The following NEK1 variants were observed in gnomAD, a reference collection of about 807,000 sequenced individuals.
NEK1 encodes NIMA related kinase 1.
A neutral mutation model predicts 182.1 loss-of-function variants in NEK1; 137 were observed. That is an observed-to-expected ratio of 0.75 (90% confidence interval 0.65 to 0.87). The LOEUF (loss-of-function observed/expected upper bound fraction) is 0.87, where lower values mean the gene tolerates loss of function less well. NEK1 is among the 40% of genes least tolerant of loss of function. The pLI is 0.00. For synonymous variants in NEK1, 513 were observed against 492.2 expected, an observed-to-expected ratio of 1.04 and a Z score of -0.56; for missense variants, 1,391 against 1,494.4, an observed-to-expected ratio of 0.93 and a Z score of 1.14.
At position 169,564,174 on chromosome 4, in the gene NEK1, T is replaced by G. The variant is rs1763344869; in HGVS notation, c.1021-1978A>C. 3.3e-5 allele frequency among the ~76,000 whole-genome samples: 5 copies of G among 152,108 alleles called. 1 individual carries two copies. In the South Asian group the frequency reaches 1.0e-3, roughly 32 times the overall value. ...TAAAAATTTATAGAAAAGTTTAAGT[T>G]ATTCTATCATGTACCAGTGTTTACA... On this transcript the variant is annotated intron_variant, in intron 12 of 35. Coordinates refer to ENST00000507142, the MANE Select transcript of NEK1 (RefSeq NM_001199397.3).
chr4:169,458,758 G>A (rs1011803076), intron 27 of NEK1, among the ~76,000 whole-genome samples: 1 of 151,190 alleles, frequency 6.6e-6, no homozygotes, highest in African/African-American at 2.4e-5. Flanking sequence ...GGCCCAGGGA[G>A]GTTGAGGCTG....
At chr4:169,456,642 CTGTT>C (rs1163849974) in intron 27 of NEK1, among the ~76,000 whole-genome samples, 7 of 152,190 alleles carry the variant, frequency 4.6e-5, no homozygotes, top group Non-Finnish European at 5.9e-5. Context: ...ACATATATAA[CTGTT>C]TGGAGGTTCC....
intron 5 of NEK1, 67 bp from the exon 6 acceptor site, chr4:169,590,876 G>T: frequency 9.7e-7 from 1 of 1,035,894 alleles, no homozygotes; most frequent in Non-Finnish European, 1.4e-6. Flanking sequence ...AATATTTAGG[G>T]ATGAGAGGAA....
rs1341557937 is a variant in NEK1, at chr4:169,603,905, CAT to C, written c.-48-1229_-48-1228del. Among the ~76,000 whole-genome samples the C allele has an allele frequency of 2.6e-5, 4 of 152,006 alleles. No individual in the cohort carries two copies. The East Asian group carries it at 7.7e-4, about 29-fold the overall frequency. On this transcript the variant is annotated intron_variant, in intron 2 of 35. Transcript: ENST00000507142. ...ATTTTTAGTAGAGACGGGGTTTCGC[CAT>C]GTTGGCTGGTCTTGAACTCCTGACC...
intron 6 of NEK1, 50 bp downstream of exon 6, chr4:169,590,676 G>A (rs1768317914): frequency 2.2e-6 from 3 of 1,372,758 alleles, no homozygotes; most frequent in Non-Finnish European, 2.0e-6. Context: ...AAACAATGAA[G>A]GTTCCATGTC....
intron 16 of NEK1, 117 bp downstream of exon 16, chr4:169,561,363 T>C: frequency 1.2e-6 from 1 of 838,954 alleles, no homozygotes; most frequent in Non-Finnish European, 2.0e-6. Context: ...GAATTCTAGG[T>C]AAAAATTAAT....
chr4:169,483,774 G>A (rs1190484390), intron 23 of NEK1, among the ~76,000 whole-genome samples: 1 of 149,578 alleles, frequency 6.7e-6, no homozygotes, highest in Non-Finnish European at 1.5e-5. Context: ...GCTGAGGCAG[G>A]AGAATCACTT....
At chr4:169,588,187 C>T (rs1177079801) in intron 8 of NEK1, among the ~76,000 whole-genome samples, 1 of 152,070 alleles carries the variant, frequency 6.6e-6, no homozygotes, top group Admixed American at 6.5e-5. Flanking sequence ...CTGATTCCAC[C>T]ACTTATTAGA....
At chr4:169,567,405 A>AAT (rs1554069542) in intron 12 of NEK1, among the ~76,000 whole-genome samples, 5,179 of 146,804 alleles carry the variant, frequency 0.035, 320 homozygotes, top group African/African-American at 0.12. Context: ...GAAAAAAAAA[A>AAT]TTTTTTTTTT....
At chr4:169,423,071 C>T (rs1735757685) in intron 31 of NEK1, among the ~76,000 whole-genome samples, 1 of 151,804 alleles carries the variant, frequency 6.6e-6, no homozygotes, top group Non-Finnish European at 1.5e-5. Context: ...GAAAGTATAC[C>T]CAGTTGGAAA....
chr4:169,570,160 G>A (rs992986154), intron 12 of NEK1, among the ~76,000 whole-genome samples: 5 of 151,728 alleles, frequency 3.3e-5, no homozygotes, highest in African/African-American at 1.2e-4. Context: ...TCTGGGATGT[G>A]AGGAGCGCCT....
In NEK1 at chr4:169,498,725, T is replaced by C. The variant is rs56131277; in HGVS notation, c.2007+8312A>G. On this transcript the variant is annotated intron_variant, in intron 23 of 35. Coordinates refer to ENST00000507142, the MANE Select transcript of NEK1 (RefSeq NM_001199397.3). The stretch of plus-strand genomic sequence containing the variant: ...AATTCGTTTCTTTAAGAATGTTGAA[T>C]AATGGCCCCCACTCTCTTCTGGCTT... 4.0e-3 allele frequency among the ~76,000 whole-genome samples: 608 copies of C among 152,364 alleles called. 5 individuals are homozygous for C. Among genetic ancestry groups the C allele is most frequent in the South Asian group, 0.03 (147 of 4,826 alleles).
At chr4:169,557,731 G>A (rs1000789096) in intron 16 of NEK1, among the ~76,000 whole-genome samples, 1 of 152,004 alleles carries the variant, frequency 6.6e-6, no homozygotes, top group Non-Finnish European at 1.5e-5. Flanking sequence ...TCAGGAGTTC[G>A]AGACTAGCCT....
At chr4:169,462,836 T>G (rs1041074818) in intron 27 of NEK1, among the ~76,000 whole-genome samples, 2 of 152,176 alleles carry the variant, frequency 1.3e-5, no homozygotes, top group African/African-American at 4.8e-5. Flanking sequence ...TCCTGCCTCA[T>G]GACAACTCTC....
In NEK1 at chr4:169,424,616, AT is replaced by A; in HGVS notation, c.3158del (p.Asn1053IlefsTer8). 1.2e-6 allele frequency: 2 copies of A among 1,612,932 alleles called. No individual in the cohort carries two copies. Among genetic ancestry groups the A allele is most frequent in the Non-Finnish European group, 1.7e-6 (2 of 1,179,186 alleles). ...CAATCAGCAAGGAATTCTTGTTTTTATTTTTTGGTGGTAAATGCGAGTGAGA... is the reference window on the plus strand; with the variant it reads ...CAATCAGCAAGGAATTCTTGTTTTTATTTTTGGTGGTAAATGCGAGTGAGA... ...FRSHSHLPPK[N>X]KNKNSLLIGL... On this transcript the variant is annotated frameshift_variant, in exon 31 of 36. Transcript: ENST00000507142. LOFTEE classifies it high-confidence loss of function.
At chr4:169,531,942 T>C (rs1210366572) in intron 19 of NEK1, among the ~76,000 whole-genome samples, 1 of 152,172 alleles carries the variant, frequency 6.6e-6, no homozygotes, top group Non-Finnish European at 1.5e-5. Flanking sequence ...CAAAGGAATA[T>C]GACTTAGGAA....
At chr4:169,471,531 C>G (rs1347176783) in intron 26 of NEK1, among the ~76,000 whole-genome samples, 1 of 152,154 alleles carries the variant, frequency 6.6e-6, no homozygotes, top group African/African-American at 2.4e-5. Flanking sequence ...CAGATGCCAG[C>G]TGAAGTTCTC....
chr4:169,560,472 G>A (rs558133516), intron 16 of NEK1, among the ~76,000 whole-genome samples: 2 of 151,990 alleles, frequency 1.3e-5, no homozygotes, highest in Non-Finnish European at 2.9e-5. Context: ...ATATGTTAAC[G>A]TAACCCTGGG....
chr4:169,603,871 A>G (rs940936684), intron 2 of NEK1, among the ~76,000 whole-genome samples: 21 of 151,982 alleles, frequency 1.4e-4, no homozygotes, highest in Non-Finnish European at 2.6e-4. Flanking sequence ...ACACACAGCT[A>G]ATTTTTGTAT....
Sources: gnomAD v4.1 joint callset for allele counts (sites outside exome capture counted in the v4.1 genomes callset) on GRCh38, gnomAD v4.1.1 for gene constraint, MANE v1.5 for transcripts, NCBI Gene and HGNC (gene_info 2026-07-23, HGNC 2026-07-21) for gene names.